RAD51B: variants seen among roughly 807,000 people sequenced by gnomAD.
RAD51B encodes DNA repair protein RAD51 homolog 2.
In RAD51B, 38 loss-of-function variants were observed where a neutral mutation model predicts 42.2. That is an observed-to-expected ratio of 0.90 (90% confidence interval 0.70 to 1.18). RAD51B has a LOEUF of 1.18. RAD51B is among the 50% of genes most tolerant of loss of function. The pLI is 0.00. For missense variants in RAD51B, 373 were observed against 400.7 expected (o/e 0.93, Z 0.59); for synonymous variants, 154 against 145.2 (o/e 1.06, Z -0.43).
At chr14:68,072,156 AT>A (rs1298568617) in intron 7 of RAD51B, among the ~76,000 whole-genome samples, 27 of 129,978 alleles carry the variant, frequency 2.1e-4, no homozygotes, top group Admixed American at 1.2e-3. Context: ...TTTTATATAT[AT>A]TTTTTTCTAG....
At chr14:68,612,920 G>C (rs893501003), downstream of RAD51B, among the ~76,000 whole-genome samples, 10 of 152,122 alleles carry the variant, frequency 6.6e-5, no homozygotes, top group African/African-American at 2.4e-4. Flanking sequence ...CCTGGTCAGA[G>C]CACTGCTGGG....
intron 9 of RAD51B, among the ~76,000 whole-genome samples, chr14:68,447,157 G>C (rs1385050271): frequency 6.6e-6 from 1 of 152,192 alleles, no homozygotes. Flanking sequence ...GGCAGAGGTT[G>C]TGGTGAGCCA....
intron 7 of RAD51B, among the ~76,000 whole-genome samples, chr14:68,170,193 C>G (rs1353999471): frequency 6.6e-6 from 1 of 152,102 alleles, no homozygotes; most frequent in Admixed American, 6.5e-5. Context: ...TCTTTATTTC[C>G]TAGGAAAATG....
intron 7 of RAD51B, among the ~76,000 whole-genome samples, chr14:68,043,508 G>T (rs903677564): frequency 2.0e-5 from 3 of 152,114 alleles, no homozygotes; most frequent in African/African-American, 7.2e-5. Flanking sequence ...TCTTAGATGG[G>T]AAGAAAAATG....
At chr14:68,197,222 ACT>A (rs1401430042) in intron 7 of RAD51B, among the ~76,000 whole-genome samples, 2 of 151,930 alleles carry the variant, frequency 1.3e-5, no homozygotes, top group Non-Finnish European at 2.9e-5. Context: ...TTAGGCAATC[ACT>A]CTTCTGATTT....
intron 10 of RAD51B, among the ~76,000 whole-genome samples, chr14:68,578,939 G>A (rs1166497536): frequency 6.6e-6 from 1 of 152,190 alleles, no homozygotes; most frequent in African/African-American, 2.4e-5. Flanking sequence ...TCACTGTGTG[G>A]ACCTGGATAA....
intron 9 of RAD51B, among the ~76,000 whole-genome samples, chr14:68,434,063 T>TG (rs1479096384): frequency 1.3e-5 from 2 of 152,214 alleles, no homozygotes; most frequent in Non-Finnish European, 2.9e-5. Flanking sequence ...CACTGAATAT[T>TG]GCTAAACAGC....
At position 67,911,807 on chromosome 14, in the gene RAD51B, C is replaced by G. The variant is rs574454750; in HGVS notation, c.756+24603C>G. On this transcript the variant is annotated intron_variant, in intron 7 of 10. Coordinates refer to ENST00000471583, the MANE Select transcript of RAD51B (RefSeq NM_133510.4). Reference sequence around the variant, plus strand: ...TTTACCTCCCTTAGAATTACTCCTTCCCATTCTTTCCTCAGCTCCATTCCT... The same window carrying G: ...TTTACCTCCCTTAGAATTACTCCTTGCCATTCTTTCCTCAGCTCCATTCCT... 1.0e-3 allele frequency among the ~76,000 whole-genome samples: 152 copies of G among 152,244 alleles called. 1 individual carries two copies. The highest frequency in any genetic ancestry group is 2.8e-3 in the African/African-American group (118 of 41,552).
chr14:67,959,813 C>T (rs2074624318), intron 7 of RAD51B, among the ~76,000 whole-genome samples: 1 of 152,144 alleles, frequency 6.6e-6, no homozygotes, highest in African/African-American at 2.4e-5. Context: ...GGTGCAGTGG[C>T]TCATCCCTGT....
chr14:68,461,798 G>T (rs983574544), intron 9 of RAD51B, among the ~76,000 whole-genome samples: 1 of 152,188 alleles, frequency 6.6e-6, no homozygotes, highest in Non-Finnish European at 1.5e-5. Context: ...TAGAAACCTG[G>T]GGAGAGGGAC....
At chr14:68,095,315 T>C (rs772687181) in intron 7 of RAD51B, among the ~76,000 whole-genome samples, 4 of 152,144 alleles carry the variant, frequency 2.6e-5, no homozygotes, top group Non-Finnish European at 4.4e-5. Context: ...AAAGTCTTAG[T>C]TGAGAACTGT....
chr14:68,102,705 C>T (rs1216827881), intron 7 of RAD51B, among the ~76,000 whole-genome samples: 1 of 152,124 alleles, frequency 6.6e-6, no homozygotes, highest in African/African-American at 2.4e-5. Flanking sequence ...TCTTCTGAGC[C>T]CTCCAAACTG....
At position 68,282,453 on chromosome 14, in the gene RAD51B, A is replaced by G. The variant is rs182780337; in HGVS notation, c.757-9431A>G. 3.0e-3 allele frequency among the ~76,000 whole-genome samples: 455 copies of G among 152,206 alleles called. 2 individuals are homozygous for G. Among genetic ancestry groups the G allele is most frequent in the Non-Finnish European group, 3.5e-3 (241 of 68,014 alleles). On this transcript the variant is annotated intron_variant, in intron 7 of 10. Coordinates refer to ENST00000471583, the MANE Select transcript of RAD51B (RefSeq NM_133510.4). ...TATTTGTTCTGGACTTGTTCTTCTT[A>G]TGTGTGTCTCCTGTGTTGAGTCTGT...
intron 10 of RAD51B, among the ~76,000 whole-genome samples, chr14:68,495,616 G>A (rs1257451637): frequency 6.8e-6 from 1 of 147,852 alleles, no homozygotes; most frequent in East Asian, 1.9e-4. Flanking sequence ...AGTGGTAACT[G>A]ACGACACACT....
chr14:68,508,701 G>A (rs1406216936), intron 10 of RAD51B, among the ~76,000 whole-genome samples: 1 of 152,162 alleles, frequency 6.6e-6, no homozygotes, highest in Non-Finnish European at 1.5e-5. Context: ...CTTCCTTGGT[G>A]TCATCAGTTT....
At chr14:68,436,762 T>C (rs1056503933) in intron 9 of RAD51B, among the ~76,000 whole-genome samples, 1 of 152,174 alleles carries the variant, frequency 6.6e-6, no homozygotes, top group African/African-American at 2.4e-5. Context: ...TCCTAGGTGT[T>C]TTTTGTTGTT....
chr14:68,638,254 G>T (rs1461146247), intron 10 of RAD51B, among the ~76,000 whole-genome samples: 1 of 152,204 alleles, frequency 6.6e-6, no homozygotes, highest in African/African-American at 2.4e-5. Flanking sequence ...GGAGGCGAAT[G>T]AGCTTCTTAT....
intron 7 of RAD51B, among the ~76,000 whole-genome samples, chr14:68,172,797 A>C (rs567813708): frequency 1.3e-5 from 2 of 152,304 alleles, no homozygotes; most frequent in South Asian, 2.1e-4. Context: ...TATGTTATGA[A>C]AGAGAAATAA....
intron 10 of RAD51B, among the ~76,000 whole-genome samples, chr14:68,585,416 G>A (rs1296065278): frequency 6.6e-6 from 1 of 152,138 alleles, no homozygotes; most frequent in East Asian, 1.9e-4. Context: ...GTCTCCCCTC[G>A]GACTTTCCCA....
Sources: allele counts gnomAD v4.1 joint callset (sites outside exome capture counted in the v4.1 genomes callset), GRCh38; gene constraint gnomAD v4.1.1; transcripts MANE v1.5; gene names NCBI Gene and HGNC (gene_info 2026-07-23, HGNC 2026-07-21).